Variants in GABRG1 observed in about 807,000 individuals in gnomAD.
GABRG1 encodes the protein gamma-aminobutyric acid receptor subunit gamma-1.
In GABRG1, 49 loss-of-function variants were observed where a neutral mutation model predicts 49.8. That is an observed-to-expected ratio of 0.98 (90% CI 0.78 to 1.25). The LOEUF (loss-of-function observed/expected upper bound fraction) is 1.25, where lower values mean the gene tolerates loss of function less well. Ranked by LOEUF, GABRG1 falls within the 50% of genes most tolerant of loss-of-function variation. The pLI, the probability that GABRG1 is intolerant of heterozygous loss-of-function variation, is 0.00. For synonymous variants in GABRG1, 232 were observed against 185.1 expected (o/e 1.25, Z -2.06); for missense variants, 552 against 552.3 (o/e 1.00, Z 0.01).
At chr4:46,073,670 C>T (rs1256332221) in intron 3 of GABRG1, among the ~76,000 whole-genome samples, 4 of 151,960 alleles carry the variant, frequency 2.6e-5, no homozygotes, top group Non-Finnish European at 5.9e-5. Context: ...ATTCCAAGAT[C>T]CCCATTGAAT....
chr4:46,059,559 C>CT (rs905089356), intron 5 of GABRG1, among the ~76,000 whole-genome samples: 6 of 151,760 alleles, frequency 4.0e-5, no homozygotes, highest in East Asian at 1.9e-4. Flanking sequence ...AATGGCTACC[C>CT]TTTTTTTTTA....
At chr4:46,053,430 A>C (rs1718312817) in intron 7 of GABRG1, among the ~76,000 whole-genome samples, 1 of 125,724 alleles carries the variant, frequency 8.0e-6, no homozygotes, top group Non-Finnish European at 1.7e-5. Flanking sequence ...ATGAGAAAAC[A>C]GTATGGTTGC....
At chr4:46,111,374 T>G (rs1267909756) in intron 1 of GABRG1, among the ~76,000 whole-genome samples, 1 of 151,226 alleles carries the variant, frequency 6.6e-6, no homozygotes, top group Admixed American at 6.6e-5. Context: ...CATTTCACGT[T>G]CATGGATTGG....
At position 46,075,693 on chromosome 4, in the gene GABRG1, A is replaced by C. The variant is rs1719300766; in HGVS notation, c.321+8293T>G. 3.3e-5 allele frequency among the ~76,000 whole-genome samples: 5 copies of C among 152,060 alleles called. No homozygotes were observed. In the South Asian group the frequency reaches 1.0e-3, roughly 31 times the overall value. The stretch of plus-strand genomic sequence containing the variant: ...GTAAATATCTACAAAAAATTTAAAA[A>C]ATCAAATAAAAGAAGAAAGAAAGAA... On this transcript the variant is annotated intron_variant, in intron 3 of 8. Transcript: ENST00000295452.
intron 1 of GABRG1, among the ~76,000 whole-genome samples, chr4:46,118,491 A>G (rs887879950): frequency 1.3e-5 from 2 of 151,198 alleles, no homozygotes; most frequent in African/African-American, 2.4e-5. Context: ...GACACAAACT[A>G]CTAGAGTTTA....
intron 1 of GABRG1, among the ~76,000 whole-genome samples, chr4:46,108,573 C>T (rs574782621): frequency 6.6e-5 from 10 of 151,010 alleles, no homozygotes; most frequent in African/African-American, 2.4e-4. Flanking sequence ...TACCACTATC[C>T]ACGAGTGTGG....
chr4:46,091,863 A>C (rs1467764181), intron 2 of GABRG1, among the ~76,000 whole-genome samples: 45 of 152,054 alleles, frequency 3.0e-4, no homozygotes, highest in Non-Finnish European at 4.4e-5. Flanking sequence ...AAACAAAGCA[A>C]ATCTAGGGAC....
chr4:46,059,338 A>G (rs1718580076), intron 5 of GABRG1, among the ~76,000 whole-genome samples: 1 of 151,934 alleles, frequency 6.6e-6, no homozygotes, highest in Admixed American at 6.6e-5. Context: ...CATAATATCA[A>G]CTTTATGAGG....
At chr4:46,089,722 G>T (rs1719911842) in intron 2 of GABRG1, among the ~76,000 whole-genome samples, 1 of 152,092 alleles carries the variant, frequency 6.6e-6, no homozygotes, top group South Asian at 2.1e-4. Context: ...CAGCACTTTG[G>T]GAGGCTGGGG....
intron 3 of GABRG1, among the ~76,000 whole-genome samples, chr4:46,075,964 C>A (rs1219549399): frequency 6.6e-6 from 1 of 151,904 alleles, no homozygotes; most frequent in Non-Finnish European, 1.5e-5. Context: ...GGTGGAGTGG[C>A]AGAGTGGTGA....
chr4:46,096,609 T>C (rs527572853), intron 2 of GABRG1, among the ~76,000 whole-genome samples: 1 of 151,790 alleles, frequency 6.6e-6, no homozygotes, highest in East Asian at 1.9e-4. Flanking sequence ...AAACCTGTTT[T>C]GAAGACTGTG....
At chr4:46,058,151 C>A in intron 7 of GABRG1, 66 bp downstream of exon 7, 7 of 1,461,052 alleles carry the variant, frequency 4.8e-6, no homozygotes, top group Non-Finnish European at 6.5e-6. Context: ...TGACTATGAA[C>A]TTTTATCACA....
At chr4:46,117,227 C>G (rs1720925049) in intron 1 of GABRG1, among the ~76,000 whole-genome samples, 1 of 150,432 alleles carries the variant, frequency 6.6e-6, no homozygotes, top group East Asian at 2.0e-4. Flanking sequence ...GGTTGGAGAG[C>G]AGGGTCTATA....
intron 2 of GABRG1, among the ~76,000 whole-genome samples, chr4:46,090,345 G>T (rs1223506251): frequency 6.6e-6 from 1 of 151,938 alleles, no homozygotes; most frequent in Non-Finnish European, 1.5e-5. Flanking sequence ...TACCTAAAAT[G>T]CAAAACTCAT....
At chr4:46,060,232 C>A (rs1419147347) in intron 5 of GABRG1, among the ~76,000 whole-genome samples, 1 of 149,824 alleles carries the variant, frequency 6.7e-6, no homozygotes, top group Non-Finnish European at 1.5e-5. Flanking sequence ...CAGGGGCAAC[C>A]TCCCTTTTAG....
In GABRG1 at chr4:46,040,356, T is replaced by C. The variant is rs910994637; in HGVS notation, c.*632A>G. The C allele has an allele frequency of 5.3e-5, 8 of 152,278 alleles. No individual in the cohort carries two copies. The highest frequency in any genetic ancestry group is 7.4e-5 in the Non-Finnish European group (5 of 67,884). 9.4% of individuals were successfully genotyped at this position (152,278 alleles called of 1,614,324 possible). A position where few individuals can be genotyped will look rare whatever the true frequency, so the allele number is the denominator to read the frequency against. On this transcript the variant is annotated 3_prime_UTR_variant, in exon 9 of 9. Transcript: ENST00000295452. ...AAAGTAAATGCAACTGGCGTTCTGT[T>C]TAATATTGTGTCAGAAAATGGACTG...
At chr4:46,083,590 C>T (rs1719649752) in intron 3 of GABRG1, among the ~76,000 whole-genome samples, 1 of 151,652 alleles carries the variant, frequency 6.6e-6, no homozygotes, top group Non-Finnish European at 1.5e-5. Flanking sequence ...TCCCCCTGAT[C>T]TTATCAGGCT....
chr4:46,098,022 T>G (rs532790650), intron 1 of GABRG1, among the ~76,000 whole-genome samples: 1 of 151,846 alleles, frequency 6.6e-6, no homozygotes, highest in African/African-American at 2.4e-5. Flanking sequence ...GAAGTGATAT[T>G]GGGGAGATCA....
intron 1 of GABRG1, among the ~76,000 whole-genome samples, chr4:46,108,915 C>T (rs1720639272): frequency 6.6e-6 from 1 of 150,866 alleles, no homozygotes; most frequent in Non-Finnish European, 1.5e-5. Context: ...TTAATTCTGC[C>T]CTTGCATTGA....
Sources: allele counts gnomAD v4.1 joint callset (sites outside exome capture counted in the v4.1 genomes callset), GRCh38; gene constraint gnomAD v4.1.1; transcripts MANE v1.5; gene names NCBI Gene and HGNC (gene_info 2026-07-23, HGNC 2026-07-21).